Variants in ATP8A2 observed in about 807,000 individuals in gnomAD.
ATP8A2 encodes phospholipid-transporting ATPase IB.
ATP8A2 carries 100 observed loss-of-function variants against 165.6 expected under a neutral mutation model. That is an observed-to-expected ratio of 0.60 (90% CI 0.51 to 0.71). The LOEUF is 0.71. Among genes scored for constraint, ATP8A2 ranks in the 30% least tolerant of loss-of-function variants. The probability of loss-of-function intolerance (pLI) is 0.00; values close to 1 mark genes in which losing one functional copy is unlikely to be tolerated. For missense variants in ATP8A2, 1,227 were observed against 1,479.5 expected, an observed-to-expected ratio of 0.83 and a Z score of 2.80; for synonymous variants, 543 against 548.8, an observed-to-expected ratio of 0.99 and a Z score of 0.15.
At chr13:25,499,642 C>G (rs890501153) in intron 2 of ATP8A2, among the ~76,000 whole-genome samples, 1 of 152,138 alleles carries the variant, frequency 6.6e-6, no homozygotes, top group African/African-American at 2.4e-5. Flanking sequence ...TCTATTCATT[C>G]AGGAATGGTG....
Position 25,446,117 on chromosome 13 carries a change from C to A in ATP8A2, c.77-22860C>A, listed in dbSNP as rs190967362. Among the ~76,000 whole-genome samples, 597 of 152,228 alleles carry A rather than the reference C, an allele frequency of 3.9e-3. 4 individuals carry two copies. Among genetic ancestry groups the A allele is most frequent in the Non-Finnish European group, 6.4e-3 (435 of 68,018 alleles). ...AAGTGCTCTGAATGTCAGTGATGGC[C>A]TTCCTGAGACTTCAGTTTCACCCTT... On this transcript the variant is annotated intron_variant, in intron 1 of 36. Coordinates refer to ENST00000381655, the MANE Select transcript of ATP8A2 (RefSeq NM_016529.6).
intron 33 of ATP8A2, among the ~76,000 whole-genome samples, chr13:25,957,340 G>C (rs892236269): frequency 1.3e-5 from 2 of 152,176 alleles, no homozygotes; most frequent in Non-Finnish European, 2.9e-5. Context: ...CCTACAGAAT[G>C]GGAGAGAATG....
intron 24 of ATP8A2, among the ~76,000 whole-genome samples, chr13:25,603,466 G>A (rs1242558098): frequency 9.0e-6 from 1 of 110,704 alleles, no homozygotes; most frequent in African/African-American, 4.1e-5. Flanking sequence ...ATGAGACTCT[G>A]TCTCAAAAAA....
intron 1 of ATP8A2, among the ~76,000 whole-genome samples, chr13:25,439,738 T>C (rs1388335530): frequency 6.6e-6 from 1 of 152,060 alleles, no homozygotes; most frequent in East Asian, 1.9e-4. Flanking sequence ...ATTGTGAGAC[T>C]GTCTAATTTT....
chr13:25,658,032 C>T (rs562683390), intron 24 of ATP8A2, among the ~76,000 whole-genome samples: 26 of 152,184 alleles, frequency 1.7e-4, no homozygotes, highest in African/African-American at 6.3e-4. Context: ...GAGTAGTGAA[C>T]TCAGGGAAGC....
At chr13:25,853,555 T>C (rs932537570) in intron 30 of ATP8A2, among the ~76,000 whole-genome samples, 2 of 152,024 alleles carry the variant, frequency 1.3e-5, no homozygotes, top group African/African-American at 4.8e-5. Context: ...ATTGGAAATA[T>C]TGGTATTAGA....
At chr13:25,379,033 A>G (rs2032743142) in intron 1 of ATP8A2, among the ~76,000 whole-genome samples, 1 of 152,192 alleles carries the variant, frequency 6.6e-6, no homozygotes, top group Non-Finnish European at 1.5e-5. Context: ...GAGAAGAAAT[A>G]CTCCAGATAG....
intron 30 of ATP8A2, among the ~76,000 whole-genome samples, chr13:25,846,010 T>C (rs1951853774): frequency 6.6e-6 from 1 of 152,126 alleles, no homozygotes; most frequent in Non-Finnish European, 1.5e-5. Context: ...ACCCCATCTC[T>C]ACTAAAAATA....
chr13:25,752,436 C>A (rs558657815), intron 25 of ATP8A2, among the ~76,000 whole-genome samples: 2 of 151,724 alleles, frequency 1.3e-5, no homozygotes, highest in African/African-American at 4.9e-5. Flanking sequence ...CCAGCCGGGG[C>A]GACAGAGTGA....
chr13:25,927,146 A>G (rs746406644), intron 33 of ATP8A2: 1 of 456,730 alleles, frequency 2.2e-6, no homozygotes, highest in South Asian at 1.5e-5. Flanking sequence ...CGAGCACACA[A>G]ACACTAGCTG....
intron 25 of ATP8A2, among the ~76,000 whole-genome samples, chr13:25,719,769 A>G (rs1346227164): frequency 1.3e-5 from 2 of 152,216 alleles, no homozygotes; most frequent in Non-Finnish European, 1.5e-5. Context: ...AGCAGAATTA[A>G]GTGGGTAGAG....
intron 1 of ATP8A2, among the ~76,000 whole-genome samples, chr13:25,416,555 G>A (rs1157372315): frequency 2.6e-5 from 4 of 152,200 alleles, no homozygotes; most frequent in Admixed American, 6.5e-5. Context: ...TTCAGAGCAA[G>A]TGCAGACAGT....
At chr13:25,639,324 G>C (rs4264251) in intron 24 of ATP8A2, among the ~76,000 whole-genome samples, 150,692 of 152,330 alleles carry the variant, frequency 0.99, 74,549 homozygotes, top group East Asian at 1. Context: ...GATTAAGAGT[G>C]AAGACCCATC....
At chr13:25,480,993 A>G (rs540946177) in intron 2 of ATP8A2, among the ~76,000 whole-genome samples, 63 of 152,214 alleles carry the variant, frequency 4.1e-4, no homozygotes, top group African/African-American at 1.4e-3. Context: ...GTCTCCACCA[A>G]AAAAATATGA....
intron 30 of ATP8A2, among the ~76,000 whole-genome samples, chr13:25,859,161 C>G (rs549382520): frequency 2.3e-4 from 35 of 151,964 alleles, no homozygotes; most frequent in Non-Finnish European, 4.4e-4. Context: ...GAGATTGTAC[C>G]ACTGCATTCC....
intron 33 of ATP8A2, among the ~76,000 whole-genome samples, chr13:25,891,264 AGT>A (rs1305230409): frequency 6.6e-6 from 1 of 152,176 alleles, no homozygotes; most frequent in Non-Finnish European, 1.5e-5. Context: ...TCGTGTTGAA[AGT>A]GTGTCATATT....
rs1555269740 is a variant in ATP8A2, at chr13:25,431,507, G to GT, written c.77-37470_77-37469insT. Among the ~76,000 whole-genome samples the GT allele has an allele frequency of 4.6e-5, 7 of 151,858 alleles. No individual in the cohort carries two copies. The South Asian group carries it at 1.3e-3, about 28-fold the overall frequency. ...AGTAACTTTTACTTCGGCGGCGGGG[G>GT]GGGAATCTCATACAATTATGATGGA... On this transcript the variant is annotated intron_variant, in intron 1 of 36. Transcript: ENST00000381655.
At chr13:25,573,328 G>A (rs779839093) in intron 18 of ATP8A2, among the ~76,000 whole-genome samples, 57 of 142,510 alleles carry the variant, frequency 4.0e-4, no homozygotes, top group Non-Finnish European at 7.2e-4. Flanking sequence ...GGAACCTAGA[G>A]AGCCTATTGG....
At chr13:25,847,707 T>C (rs1415720436) in intron 30 of ATP8A2, among the ~76,000 whole-genome samples, 3 of 152,156 alleles carry the variant, frequency 2.0e-5, no homozygotes, top group Non-Finnish European at 4.4e-5. Context: ...TGAGTATGTT[T>C]TTCTTATTTT....
Sources: gnomAD v4.1 joint callset for allele counts (sites outside exome capture counted in the v4.1 genomes callset) on GRCh38, gnomAD v4.1.1 for gene constraint, MANE v1.5 for transcripts, NCBI Gene and HGNC (gene_info 2026-07-23, HGNC 2026-07-21) for gene names.